CTNND2: variants seen among roughly 807,000 people sequenced by gnomAD.
CTNND2 encodes the protein catenin delta 2, also known as catenin delta-2.
Under a neutral mutation model 144.4 loss-of-function variants are expected in CTNND2, and 22 were observed. The observed-to-expected ratio is 0.15, with a 90% CI of 0.11 to 0.22. The LOEUF is 0.22. CTNND2 is among the 10% of genes least tolerant of loss of function. The pLI is 1.00. For synonymous variants in CTNND2, 751 were observed against 695.6 expected, an observed-to-expected ratio of 1.08 and a Z score of -1.25; for missense variants, 1,353 against 1,618.8, an observed-to-expected ratio of 0.84 and a Z score of 2.82.
intron 10 of CTNND2, among the ~76,000 whole-genome samples, chr5:11,219,958 C>A (rs1448381611): frequency 6.6e-6 from 1 of 152,200 alleles, no homozygotes; most frequent in Non-Finnish European, 1.5e-5. Context: ...ACCTCCCCAA[C>A]TCCACTCACC....
chr5:11,482,113 T>C (rs931032792), intron 3 of CTNND2, among the ~76,000 whole-genome samples: 4 of 152,266 alleles, frequency 2.6e-5, no homozygotes, highest in African/African-American at 7.2e-5. Context: ...GTCGGACTCA[T>C]ATGAACTTGA....
intron 3 of CTNND2, among the ~76,000 whole-genome samples, chr5:11,452,746 A>T (rs186994396): frequency 6.6e-6 from 1 of 152,348 alleles, no homozygotes; most frequent in African/African-American, 2.4e-5. Context: ...GAAAGAAAAA[A>T]AATACTCTGG....
chr5:10,973,330 A>G lies in CTNND2; in HGVS notation c.*123T>C. 3 of 1,045,498 alleles carry G rather than the reference A, an allele frequency of 2.9e-6. No individual in the cohort carries two copies. The highest frequency in any genetic ancestry group is 4.0e-6 in the Non-Finnish European group (3 of 756,012). The allele number at this position is 1,045,498 out of a possible 1,614,324, so 64.8% of individuals were successfully genotyped here. ...TCTTAATATTTCCTTACTGGTTATC[A>G]CAGCCTTCCTATGGAACAGGCTTTA... On this transcript the variant is annotated 3_prime_UTR_variant, in exon 22 of 22. Transcript: ENST00000304623. This position sits in a 1 kb window ranked among gnomAD's most constrained non-coding sequence, Gnocchi z 5.6.
At chr5:11,393,489 G>C (rs1759813379) in intron 6 of CTNND2, among the ~76,000 whole-genome samples, 1 of 152,208 alleles carries the variant, frequency 6.6e-6, no homozygotes, top group Non-Finnish European at 1.5e-5. Context: ...GACATGGGGT[G>C]AAACCAACAT....
chr5:11,257,998 C>T (rs1032525784), intron 9 of CTNND2, among the ~76,000 whole-genome samples: 1 of 152,212 alleles, frequency 6.6e-6, no homozygotes. Flanking sequence ...GCTTTCAGTT[C>T]ATTGTACTCC....
intron 15 of CTNND2, among the ~76,000 whole-genome samples, chr5:11,092,478 C>T (rs1333709431): frequency 6.6e-6 from 1 of 152,226 alleles, no homozygotes; most frequent in African/African-American, 2.4e-5. Flanking sequence ...ATCCGTGCTG[C>T]TTCCCGGGTC....
intron 1 of CTNND2, among the ~76,000 whole-genome samples, chr5:11,752,483 C>T (rs1229371565): frequency 6.6e-6 from 1 of 150,634 alleles, no homozygotes; most frequent in African/African-American, 2.4e-5. Context: ...TAGATGGTTG[C>T]AGGTATCTGG....
At chr5:11,279,945 C>T (rs1052973783) in intron 9 of CTNND2, among the ~76,000 whole-genome samples, 2 of 152,110 alleles carry the variant, frequency 1.3e-5, no homozygotes, top group Non-Finnish European at 2.9e-5. Flanking sequence ...AATTTACCCC[C>T]ATGATCCAGT....
chr5:11,405,779 G>A (rs1374599438), intron 5 of CTNND2, among the ~76,000 whole-genome samples: 1 of 152,006 alleles, frequency 6.6e-6, no homozygotes, highest in African/African-American at 2.4e-5. Context: ...AGGTAGGGGG[G>A]GAAGTGAGTG....
chr5:11,763,355 G>A (rs569136416), intron 1 of CTNND2, among the ~76,000 whole-genome samples: 2 of 152,238 alleles, frequency 1.3e-5, no homozygotes, highest in South Asian at 4.1e-4. Context: ...TCTTTACTCA[G>A]CCATTGTGCT....
intron 3 of CTNND2, among the ~76,000 whole-genome samples, chr5:11,475,027 G>T (rs1212576268): frequency 6.6e-6 from 1 of 152,172 alleles, no homozygotes; most frequent in Non-Finnish European, 1.5e-5. Flanking sequence ...ATAATTTTCT[G>T]AACTACTAAT....
At chr5:11,652,691 T>C (rs1173131055) in intron 2 of CTNND2, among the ~76,000 whole-genome samples, 1 of 152,230 alleles carries the variant, frequency 6.6e-6, no homozygotes, top group Non-Finnish European at 1.5e-5. Context: ...ACAATTAAGC[T>C]AATTAACATA....
At chr5:11,661,984 T>C (rs1783230934) in intron 2 of CTNND2, among the ~76,000 whole-genome samples, 3 of 151,340 alleles carry the variant, frequency 2.0e-5, no homozygotes, top group South Asian at 4.2e-4. Flanking sequence ...TACATGTATA[T>C]ATACACACAC....
intron 10 of CTNND2, among the ~76,000 whole-genome samples, chr5:11,219,838 A>AT (rs749987806): frequency 4.6e-5 from 7 of 152,188 alleles, no homozygotes; most frequent in African/African-American, 1.7e-4. Context: ...CAGCTCTGAA[A>AT]TTTTAGATCT....
At chr5:11,398,419 T>TA (rs1561335293) in intron 5 of CTNND2, among the ~76,000 whole-genome samples, 1 of 152,222 alleles carries the variant, frequency 6.6e-6, no homozygotes, top group Non-Finnish European at 1.5e-5. Context: ...CTTTGGCACT[T>TA]AAAGCCTTCC....
At chr5:11,689,244 C>G (rs1049955698) in intron 2 of CTNND2, among the ~76,000 whole-genome samples, 1 of 152,108 alleles carries the variant, frequency 6.6e-6, no homozygotes, top group Non-Finnish European at 1.5e-5. Flanking sequence ...CTTCTGGGAT[C>G]TGGTTTCTTA....
chr5:11,535,086 G>A (rs1353265742), intron 3 of CTNND2, among the ~76,000 whole-genome samples: 2 of 151,910 alleles, frequency 1.3e-5, no homozygotes, highest in South Asian at 2.1e-4. Context: ...TACTTGGGAG[G>A]TTGAGGCAGG....
At chr5:11,801,646 A>G (rs1046298116) in intron 1 of CTNND2, among the ~76,000 whole-genome samples, 2 of 152,052 alleles carry the variant, frequency 1.3e-5, no homozygotes, top group African/African-American at 4.8e-5. Context: ...TTTCTTTTGT[A>G]TATGCTTATA....
At position 11,586,761 on chromosome 5, in the gene CTNND2, G is replaced by T. The variant is rs77259587; in HGVS notation, c.175-21705C>A. On this transcript the variant is annotated intron_variant, in intron 2 of 21. Transcript: ENST00000304623. The stretch of plus-strand genomic sequence containing the variant: ...TTTTAAACACTTGAAACTATTTTTT[G>T]TTAATTGTGTGGATACAATTTATGA... 6.6e-5 allele frequency among the ~76,000 whole-genome samples: 10 copies of T among 152,158 alleles called. No individual in the cohort carries two copies. In the East Asian group the frequency reaches 1.7e-3, roughly 26 times the overall value.
Sources: allele counts gnomAD v4.1 joint callset (sites outside exome capture counted in the v4.1 genomes callset), GRCh38; gene constraint gnomAD v4.1.1; non-coding constraint Gnocchi (gnomAD v3.1); transcripts MANE v1.5; gene names NCBI Gene and HGNC (gene_info 2026-07-23, HGNC 2026-07-21).